The following RTKN2 variants were observed in gnomAD, a reference collection of about 807,000 sequenced individuals.
The protein encoded by RTKN2 is rhotekin 2, also known as rhotekin-2.
Under a neutral mutation model 71.5 loss-of-function variants are expected in RTKN2, and 69 were observed. The ratio of observed to expected loss-of-function variants is 0.96; its 90% CI spans 0.79 to 1.18. The LOEUF (loss-of-function observed/expected upper bound fraction) is 1.18, where lower values mean the gene tolerates loss of function less well. RTKN2 is among the 50% of genes most tolerant of loss of function. The pLI, the probability that RTKN2 is intolerant of heterozygous loss-of-function variation, is 0.00. For synonymous variants in RTKN2, 236 were observed against 236.5 expected, an observed-to-expected ratio of 1.00 and a Z score of 0.02; for missense variants, 724 against 719.7, an observed-to-expected ratio of 1.01 and a Z score of -0.07.
intron 8 of RTKN2, among the ~76,000 whole-genome samples, chr10:62,187,851 T>C (rs1468228790): frequency 6.6e-6 from 1 of 152,184 alleles, no homozygotes; most frequent in Non-Finnish European, 1.5e-5. Context: ...TCAGAGAGAA[T>C]CTGTCAGAGA....
rs915384516 is a variant in RTKN2 at position 62,193,996 on chromosome 10, G to A, written c.*3912C>T. Reference sequence around the variant, plus strand: ...ACTTAAAGAGAAAAAGTTAGAAAACGTCTTCATGAATCAGTTCTTTTAATG... The same window carrying A: ...ACTTAAAGAGAAAAAGTTAGAAAACATCTTCATGAATCAGTTCTTTTAATG... On this transcript the variant is annotated 3_prime_UTR_variant, in exon 12 of 12. Coordinates refer to ENST00000373789, the MANE Select transcript of RTKN2 (RefSeq NM_145307.4). 10 of 984,856 alleles carry A rather than the reference G, an allele frequency of 1.0e-5. No individual in the cohort carries two copies. Among genetic ancestry groups the A allele is most frequent in the Non-Finnish European group, 1.2e-5 (10 of 829,522 alleles). The allele number at this position is 984,856 out of a possible 1,614,324, so 61.0% of individuals were successfully genotyped here. A position where few individuals can be genotyped will look rare whatever the true frequency, so the allele number is the denominator to read the frequency against.
chr10:62,208,777 C>T (rs910808143), intron 9 of RTKN2, among the ~76,000 whole-genome samples: 21 of 152,000 alleles, frequency 1.4e-4, no homozygotes, highest in African/African-American at 4.8e-4. Context: ...TAGAGGCATT[C>T]CAGCTATAAC....
chr10:62,236,806 G>T (rs1842268575), intron 5 of RTKN2, among the ~76,000 whole-genome samples: 1 of 151,856 alleles, frequency 6.6e-6, no homozygotes, highest in African/African-American at 2.4e-5. Context: ...AGGAGATCTT[G>T]CCATTTGCTA....
chr10:62,198,473 A>C, intron 11 of RTKN2, 30 bp from the exon 12 acceptor site: 1 of 1,352,752 alleles, frequency 7.4e-7, no homozygotes. Flanking sequence ...AAAAAACATG[A>C]AAAAATTCAA....
At chr10:62,186,451 G>A (rs1841137953) in intron 8 of RTKN2, among the ~76,000 whole-genome samples, 1 of 151,272 alleles carries the variant, frequency 6.6e-6, no homozygotes, top group Non-Finnish European at 1.5e-5. Flanking sequence ...GAGGAAGACA[G>A]AACGCAGTAG....
In RTKN2 at chr10:62,203,159, T is replaced by G. The variant is rs1021385779; in HGVS notation, c.1186+1698A>C. Among the ~76,000 whole-genome samples the G allele has an allele frequency of 2.0e-5, 3 of 151,812 alleles. No individual in the cohort carries two copies. The East Asian group carries it at 5.8e-4, about 29-fold the overall frequency. On this transcript the variant is annotated intron_variant, in intron 10 of 11. Transcript: ENST00000373789. Reference sequence around the variant, plus strand: ...TGGGCAAGAAGAGCGAAACTCCATCTCAAAAAATAAAAATAAAAATAAAAC... The same window carrying G: ...TGGGCAAGAAGAGCGAAACTCCATCGCAAAAAATAAAAATAAAAATAAAAC...
At chr10:62,190,928 T>C (rs1020849901), downstream of RTKN2, among the ~76,000 whole-genome samples, 1 of 152,176 alleles carries the variant, frequency 6.6e-6, no homozygotes, top group Non-Finnish European at 1.5e-5. Flanking sequence ...CTCATTCCAT[T>C]TCTGCCCAGC....
In RTKN2 at chr10:62,246,039, A is replaced by G; in HGVS notation, c.276T>C (p.Ser92=). 6.3e-7 allele frequency: 1 copy of G among 1,595,934 alleles called. No homozygotes were observed. Residue 92 remains serine, a synonymous_variant, in exon 3 of 12, where the codon AGT becomes AGC. Coordinates refer to ENST00000373789, the MANE Select transcript of RTKN2 (RefSeq NM_145307.4). ...QTGRCDVKFE[S]KERTACKGKI... Reference sequence around the variant, plus strand: ...TTCCTTTACATGCTGTTCGTTCTTTACTTTCAAATTTCACATCACTGTCAA... The same window carrying G: ...TTCCTTTACATGCTGTTCGTTCTTTGCTTTCAAATTTCACATCACTGTCAA...
intron 3 of RTKN2, among the ~76,000 whole-genome samples, chr10:62,242,622 CTT>C (rs11311959): frequency 3.3e-5 from 5 of 149,290 alleles, no homozygotes; most frequent in Non-Finnish European, 3.0e-5. Flanking sequence ...AATCTATTAC[CTT>C]TTTTTTTTTG....
At chr10:62,199,902 A>T (rs1175828564) in intron 10 of RTKN2, 41 bp from the exon 11 acceptor site, 1 of 1,245,714 alleles carries the variant, frequency 8.0e-7, no homozygotes. Context: ...TTAAAACATA[A>T]ATGTGAAGAT....
chr10:62,215,212 C>A, intron 9 of RTKN2: 2 of 543,182 alleles, frequency 3.7e-6, no homozygotes, highest in East Asian at 3.3e-5. Context: ...TAGTAAAAGC[C>A]AAAGTAGACA....
chr10:62,245,842 A>G (rs1842468874), intron 3 of RTKN2, among the ~76,000 whole-genome samples, 157 bp downstream of exon 3: 1 of 152,174 alleles, frequency 6.6e-6, no homozygotes, highest in Admixed American at 6.6e-5. Flanking sequence ...ATATCAATGT[A>G]GCATATAATG....
At position 62,239,578 on chromosome 10, in the gene RTKN2, A is replaced by G. The variant is rs1842328139; in HGVS notation, c.488+70T>C. The G allele has an allele frequency of 1.0e-5, 7 of 671,848 alleles. No individual in the cohort carries two copies. The South Asian group carries it at 1.1e-4, about 11-fold the overall frequency. 41.6% of individuals were successfully genotyped at this position (671,848 alleles called of 1,614,324 possible). Reference sequence around the variant, plus strand: ...ATAAAATGAATCCAAAGAACCAATAATAAGAACTTTCTTTTAAAAAAGAAG... The same window carrying G: ...ATAAAATGAATCCAAAGAACCAATAGTAAGAACTTTCTTTTAAAAAAGAAG... On this transcript the variant is annotated intron_variant, in intron 5 of 11. Transcript: ENST00000373789.
chr10:62,251,997 G>A (rs923941345), intron 2 of RTKN2, among the ~76,000 whole-genome samples: 82 of 151,902 alleles, frequency 5.4e-4, no homozygotes, highest in African/African-American at 3.4e-4. Context: ...CAGAGGACAG[G>A]CAAAGAAGAG....
intron 6 of RTKN2, among the ~76,000 whole-genome samples, chr10:62,233,032 T>A (rs1842183113): frequency 6.6e-6 from 1 of 152,192 alleles, no homozygotes; most frequent in African/African-American, 2.4e-5. Context: ...AGCACATTCA[T>A]TGTTTTTACA....
chr10:62,187,098 A>G (rs1053960962), intron 8 of RTKN2, among the ~76,000 whole-genome samples: 1 of 152,146 alleles, frequency 6.6e-6, no homozygotes, highest in Non-Finnish European at 1.5e-5. Flanking sequence ...AATTATTCCA[A>G]AGTTTTACTA....
chr10:62,262,598 A>G, intron 2 of RTKN2, 27 bp downstream of exon 2: 1 of 1,469,908 alleles, frequency 6.8e-7, no homozygotes, highest in Non-Finnish European at 9.3e-7. Context: ...AGTACATTAA[A>G]AGCCACAGGT....
chr10:62,254,688 C>T (rs191144618), intron 2 of RTKN2, among the ~76,000 whole-genome samples: 281 of 152,074 alleles, frequency 1.8e-3, no homozygotes, highest in Admixed American at 9.8e-3. Flanking sequence ...GCCTGTAATC[C>T]CAGTGTTTTG....
At chr10:62,202,725 T>G (rs894344827) in intron 10 of RTKN2, among the ~76,000 whole-genome samples, 1 of 152,218 alleles carries the variant, frequency 6.6e-6, no homozygotes, top group African/African-American at 2.4e-5. Context: ...CTTTCAAATC[T>G]CCATTTCAGC....
Sources: gnomAD v4.1 joint callset for allele counts (sites outside exome capture counted in the v4.1 genomes callset) on GRCh38, gnomAD v4.1.1 for gene constraint, MANE v1.5 for transcripts, NCBI Gene and HGNC (gene_info 2026-07-23, HGNC 2026-07-21) for gene names.